Variants in KCNQ3 observed in about 807,000 individuals in gnomAD.
KCNQ3 encodes potassium voltage-gated channel subfamily KQT member 3.
A neutral mutation model predicts 92.5 loss-of-function variants in KCNQ3; 30 were observed. The ratio of observed to expected loss-of-function variants is 0.32; its 90% confidence interval spans 0.24 to 0.44. The LOEUF is 0.44. Ranked by LOEUF, KCNQ3 falls within the 20% of genes least tolerant of loss-of-function variation. The pLI, the probability that KCNQ3 is intolerant of heterozygous loss-of-function variation, is 1.00. For synonymous variants in KCNQ3, 450 were observed against 468.8 expected (o/e 0.96, Z 0.52); for missense variants, 913 against 1,140.3 (o/e 0.80, Z 2.87).
At chr8:132,209,534 CACACACACAA>C (rs1409065799) in intron 1 of KCNQ3, among the ~76,000 whole-genome samples, 23 of 145,490 alleles carry the variant, frequency 1.6e-4, no homozygotes, top group African/African-American at 5.7e-4. Flanking sequence ...TCACACCACA[CACACACACAA>C]ACACACACAC....
chr8:132,472,023 T>C (rs1822308721), intron 1 of KCNQ3, among the ~76,000 whole-genome samples: 1 of 152,198 alleles, frequency 6.6e-6, no homozygotes, highest in Admixed American at 6.5e-5. Flanking sequence ...TTGATATCAC[T>C]AATTATCAGG....
intron 1 of KCNQ3, among the ~76,000 whole-genome samples, chr8:132,460,128 C>T (rs1822030413): frequency 6.6e-6 from 1 of 151,996 alleles, no homozygotes; most frequent in African/African-American, 2.4e-5. Context: ...TATTTCCTGC[C>T]CCATCCTAGA....
intron 11 of KCNQ3, among the ~76,000 whole-genome samples, chr8:132,138,997 T>C (rs2130940493): frequency 6.6e-6 from 1 of 152,328 alleles, no homozygotes; most frequent in African/African-American, 2.4e-5. Context: ...CTGATTTTGA[T>C]AGTAAGGTTT....
chr8:132,200,782 C>T (rs902663719), intron 1 of KCNQ3, among the ~76,000 whole-genome samples: 5 of 152,160 alleles, frequency 3.3e-5, no homozygotes, highest in Non-Finnish European at 7.3e-5. Context: ...TGCGTTTCTT[C>T]CTGACTGCCT....
At chr8:132,270,799 G>A (rs781708769) in intron 1 of KCNQ3, among the ~76,000 whole-genome samples, 23 of 152,206 alleles carry the variant, frequency 1.5e-4, no homozygotes, top group African/African-American at 4.3e-4. Flanking sequence ...AGACTGCACC[G>A]TTTTGATTGT....
chr8:132,372,711 C>T (rs1003973372), intron 1 of KCNQ3, among the ~76,000 whole-genome samples: 3 of 124,942 alleles, frequency 2.4e-5, no homozygotes, highest in East Asian at 2.3e-4. Context: ...GAGCCAAGAT[C>T]GTGCCATTGC....
At chr8:132,173,281 T>A (rs1208064879) in intron 6 of KCNQ3, among the ~76,000 whole-genome samples, 1 of 152,138 alleles carries the variant, frequency 6.6e-6, no homozygotes, top group African/African-American at 2.4e-5. Context: ...AACATTCCTA[T>A]GGCCCTGACT....
intron 1 of KCNQ3, among the ~76,000 whole-genome samples, chr8:132,424,413 C>T (rs911767574): frequency 3.9e-5 from 6 of 152,156 alleles, no homozygotes; most frequent in African/African-American, 1.4e-4. Context: ...CTCCCATCCC[C>T]CCAACCCTCT....
At position 132,448,921 on chromosome 8, in the gene KCNQ3, C is replaced by T. The variant is rs982224923; in HGVS notation, c.386+31226G>A. Reference sequence around the variant, plus strand: ...TGAACACAAATGTCAGCCCTGGCCCCGAAGGCTCCTGAGAGAGAAAAAAGG... The same window carrying T: ...TGAACACAAATGTCAGCCCTGGCCCTGAAGGCTCCTGAGAGAGAAAAAAGG... On this transcript the variant is annotated intron_variant, in intron 1 of 14. Coordinates refer to ENST00000388996, the MANE Select transcript of KCNQ3 (RefSeq NM_004519.4). 3.3e-5 allele frequency among the ~76,000 whole-genome samples: 5 copies of T among 152,152 alleles called. No homozygotes were observed. In the South Asian group the frequency reaches 8.3e-4, roughly 25 times the overall value.
chr8:132,242,899 C>CT (rs1426693840), intron 1 of KCNQ3, among the ~76,000 whole-genome samples: 4 of 152,188 alleles, frequency 2.6e-5, no homozygotes, highest in Non-Finnish European at 5.9e-5. Flanking sequence ...ACATAAATCT[C>CT]TGAGAGAATA....
chr8:132,132,210 C>T lies in KCNQ3; in HGVS notation c.1854G>A (p.Met618Ile). 6.2e-7 allele frequency: 1 copy of T among 1,613,748 alleles called. No individual in the cohort carries two copies. The highest frequency in any genetic ancestry group is 8.5e-7 in the Non-Finnish European group (1 of 1,179,606). Reference protein sequence around the residue: ...PSTSEIEDQSMMGKFVKVERQ... With the variant: ...PSTSEIEDQSIMGKFVKVERQ... ...TTTCAACTTTTACAAACTTCCCCAT[C>T]ATGCTTTGGTCTTCGATTTCTGATG... Residue 618 changes from methionine (M) to isoleucine (I), a missense_variant, in exon 14 of 15, where the codon ATG becomes ATA. This residue lies in a region of KCNQ3 where 375 missense variants were observed against 376.4 expected (regional missense o/e 1.00). Coordinates refer to ENST00000388996, the MANE Select transcript of KCNQ3 (RefSeq NM_004519.4).
At chr8:132,143,936 G>T (rs761260646) in intron 9 of KCNQ3, among the ~76,000 whole-genome samples, 1 of 152,104 alleles carries the variant, frequency 6.6e-6, no homozygotes, top group Non-Finnish European at 1.5e-5. Flanking sequence ...CTCCACTTCC[G>T]TATGAGATAA....
At chr8:132,175,690 G>C in intron 4 of KCNQ3, 82 bp from the exon 5 acceptor site, 1 of 1,353,554 alleles carries the variant, frequency 7.4e-7, no homozygotes, top group Non-Finnish European at 1.0e-6. Context: ...ACCAGAGTTA[G>C]AGTCCAAGTT....
chr8:132,376,336 A>G (rs1297958256), intron 1 of KCNQ3, among the ~76,000 whole-genome samples: 1 of 152,212 alleles, frequency 6.6e-6, no homozygotes, highest in Non-Finnish European at 1.5e-5. Context: ...TATAACGAGT[A>G]TAATTACTCT....
chr8:132,373,272 C>T (rs778581002), intron 1 of KCNQ3, among the ~76,000 whole-genome samples: 7 of 152,126 alleles, frequency 4.6e-5, no homozygotes, highest in Non-Finnish European at 8.8e-5. Context: ...GGGTAAGTCA[C>T]TTAACCTCTC....
intron 1 of KCNQ3, among the ~76,000 whole-genome samples, chr8:132,326,137 G>A (rs910917399): frequency 3.3e-5 from 5 of 152,152 alleles, no homozygotes; most frequent in African/African-American, 1.2e-4. Flanking sequence ...AGACAATGTG[G>A]TGAAGGTGAT....
chr8:132,254,397 T>C (rs1169086695), intron 1 of KCNQ3, among the ~76,000 whole-genome samples: 1 of 152,206 alleles, frequency 6.6e-6, no homozygotes, highest in East Asian at 1.9e-4. Flanking sequence ...AGGCAAGGCA[T>C]AAACTGAAGT....
At chr8:132,163,989 G>A (rs1403102604) in intron 8 of KCNQ3, among the ~76,000 whole-genome samples, 2 of 152,178 alleles carry the variant, frequency 1.3e-5, no homozygotes, top group Non-Finnish European at 2.9e-5. Flanking sequence ...GAGGCACAGA[G>A]GGATTAAATG....
At chr8:132,333,017 TTGGA>T (rs3049635) in intron 1 of KCNQ3, among the ~76,000 whole-genome samples, 50,741 of 149,776 alleles carry the variant, frequency 0.34, 9,255 homozygotes, top group Non-Finnish European at 0.42. Context: ...GATGAATGGA[TTGGA>T]TGGATGGATG....
Sources: gnomAD v4.1 joint callset for allele counts (sites outside exome capture counted in the v4.1 genomes callset) on GRCh38, gnomAD v4.1.1 for gene constraint, gnomAD v4.1.1 regional missense constraint, MANE v1.5 for transcripts, NCBI Gene and HGNC (gene_info 2026-07-23, HGNC 2026-07-21) for gene names.